The following LAMA1 variants were observed in gnomAD, a reference collection of about 807,000 sequenced individuals.
LAMA1 encodes laminin subunit alpha-1.
LAMA1 carries 219 observed loss-of-function variants against 348.7 expected under a neutral mutation model. The ratio of observed to expected loss-of-function variants is 0.63; its 90% CI spans 0.56 to 0.70. The LOEUF (loss-of-function observed/expected upper bound fraction) is 0.70, where lower values mean the gene tolerates loss of function less well. Among genes scored for constraint, LAMA1 ranks in the 30% least tolerant of loss-of-function variants. The pLI is 0.00. For missense variants in LAMA1, 3,744 were observed against 3,888.0 expected (o/e 0.96, Z 0.99); for synonymous variants, 1,487 against 1,491.0 (o/e 1.00, Z 0.06).
At chr18:7,002,517 C>A in intron 29 of LAMA1, 132 bp from the exon 30 acceptor site, 1 of 960,498 alleles carries the variant, frequency 1.0e-6, no homozygotes, top group Non-Finnish European at 1.7e-6. Flanking sequence ...GAAAGGGGAG[C>A]ATTTTCCTCC....
rs1188640058 is a variant in LAMA1, at chr18:6,997,804, C to T, written c.4744G>A (p.Gly1582Ser). ...ATTCCATATGGGACAGGGATAATGC[C>T]AGTGAGGTTCAGAGAAAGAACGGCA... ...GDAVLSLNLT[G>S]IIPVPYGILS... The change falls in exon 33 of 63, where the codon GGC becomes AGC. Residue 1582 changes from glycine to serine, a missense_variant. Physicochemically the swap from Gly to Ser is moderately conservative, Grantham distance 56 (BLOSUM62 0). This residue lies in a region of LAMA1 where 1,983 missense variants were observed against 1,934.3 expected (regional missense o/e 1.03). Coordinates refer to ENST00000389658, the MANE Select transcript of LAMA1 (RefSeq NM_005559.4). 1 of 1,613,814 alleles carries T rather than the reference C, an allele frequency of 6.2e-7. No individual in the cohort carries two copies. Among genetic ancestry groups the T allele is most frequent in the Non-Finnish European group, 8.5e-7 (1 of 1,179,824 alleles).
At chr18:7,015,118 G>A (rs2057880881) in intron 22 of LAMA1, among the ~76,000 whole-genome samples, 2 of 152,270 alleles carry the variant, frequency 1.3e-5, no homozygotes, top group Admixed American at 6.5e-5. Flanking sequence ...AAAGTGCTGG[G>A]ATGACAGGCG....
At chr18:7,092,183 T>A (rs1267034830) in intron 1 of LAMA1, among the ~76,000 whole-genome samples, 1 of 152,224 alleles carries the variant, frequency 6.6e-6, no homozygotes, top group Non-Finnish European at 1.5e-5. Flanking sequence ...CACCTCTTTA[T>A]AAGCACATAT....
rs780110397 is a variant in LAMA1, at chr18:6,949,110, T to C, written c.8547A>G (p.Lys2849=). ...GGAAAATGCTGCTTACATTTCCAAT[T>C]TTCCTGGCCTGGTACTGGGAGGGCA... ...GGLPSQYQAR[K]IGNITHSIPA... The change falls in exon 59 of 63, where the codon AAA becomes AAG. Residue 2849 remains lysine (K), a synonymous_variant. Coordinates refer to ENST00000389658, the MANE Select transcript of LAMA1 (RefSeq NM_005559.4). 8.1e-6 allele frequency: 13 copies of C among 1,614,164 alleles called. No homozygotes were observed. The highest frequency in any genetic ancestry group is 1.1e-5 in the Non-Finnish European group (13 of 1,180,030).
intron 48 of LAMA1, among the ~76,000 whole-genome samples, chr18:6,969,460 C>T (rs1041798039): frequency 5.3e-5 from 8 of 152,178 alleles, no homozygotes; most frequent in East Asian, 1.9e-4. Flanking sequence ...CCGATGGCCT[C>T]GCAGCCAAGA....
intron 57 of LAMA1, among the ~76,000 whole-genome samples, chr18:6,951,299 G>A (rs1232076258): frequency 6.6e-6 from 1 of 152,204 alleles, no homozygotes; most frequent in Non-Finnish European, 1.5e-5. Flanking sequence ...TTCAACGCGG[G>A]TAACTCTGCA....
chr18:7,017,983 C>T (rs1380770360), intron 19 of LAMA1, among the ~76,000 whole-genome samples: 1 of 152,022 alleles, frequency 6.6e-6, no homozygotes, highest in African/African-American at 2.4e-5. Context: ...TCTTACGGGT[C>T]CAAAATATAT....
At chr18:7,013,086 G>A (rs541277286) in intron 23 of LAMA1, among the ~76,000 whole-genome samples, 15 of 151,996 alleles carry the variant, frequency 9.9e-5, no homozygotes, top group South Asian at 6.2e-4. Flanking sequence ...GCTTGAACCC[G>A]GGAGGCGGAG....
rs868791096 is a variant in LAMA1, at chr18:7,099,165, T to C, written c.61+18495A>G. Among the ~76,000 whole-genome samples the C allele has an allele frequency of 5.4e-3, 811 of 151,476 alleles. 5 individuals are homozygous for C. The highest frequency in any genetic ancestry group is 0.018 in the African/African-American group (745 of 41,304). On this transcript the variant is annotated intron_variant, in intron 1 of 62. Transcript: ENST00000389658. ...TTGGGATCCTGTTGATCTGTGACCTTACCCCCAACCCTGTGCTCTCTGAAA... is the reference window on the plus strand; with the variant it reads ...TTGGGATCCTGTTGATCTGTGACCTCACCCCCAACCCTGTGCTCTCTGAAA...
At chr18:7,115,668 T>TC (rs1308737922) in intron 1 of LAMA1, among the ~76,000 whole-genome samples, 1 of 149,674 alleles carries the variant, frequency 6.7e-6, no homozygotes, top group African/African-American at 2.5e-5. Context: ...AAATCGTTTC[T>TC]TAAAAAAAAA....
At chr18:6,942,704 G>A (rs1398376187) in intron 62 of LAMA1, among the ~76,000 whole-genome samples, 6 of 152,076 alleles carry the variant, frequency 3.9e-5, no homozygotes, top group Non-Finnish European at 5.9e-5. Context: ...GTAAGCCACC[G>A]CACCTGGCCA....
chr18:7,033,223 T>C, intron 14 of LAMA1, 128 bp from the exon 15 acceptor site: 2 of 704,620 alleles, frequency 2.8e-6, no homozygotes, highest in South Asian at 1.5e-5. Context: ...TCCCAGCACT[T>C]TGGGAGGCCA....
chr18:7,080,791 T>G (rs1453617001), intron 1 of LAMA1, among the ~76,000 whole-genome samples: 2 of 152,058 alleles, frequency 1.3e-5, no homozygotes, highest in African/African-American at 4.8e-5. Flanking sequence ...ATAGAATGAG[T>G]ACACCTAAGT....
intron 51 of LAMA1, chr18:6,964,244 G>A: frequency 3.5e-6 from 1 of 282,300 alleles, no homozygotes; most frequent in South Asian, 4.3e-5. Flanking sequence ...AGATGTTACA[G>A]GTTGAACCGT....
At chr18:7,086,257 T>C (rs1051763027) in intron 1 of LAMA1, among the ~76,000 whole-genome samples, 2 of 152,202 alleles carry the variant, frequency 1.3e-5, no homozygotes, top group Non-Finnish European at 2.9e-5. Context: ...ACATTAAAAC[T>C]GCAGCAATAT....
At chr18:6,981,103 A>T (rs1286281305) in intron 41 of LAMA1, among the ~76,000 whole-genome samples, 1 of 134,848 alleles carries the variant, frequency 7.4e-6, no homozygotes, top group Non-Finnish European at 1.6e-5. Context: ...ACTCCGTCTC[A>T]AAAAAAAAAA....
At chr18:7,045,401 C>T (rs1265889329) in intron 6 of LAMA1, among the ~76,000 whole-genome samples, 1 of 152,048 alleles carries the variant, frequency 6.6e-6, no homozygotes, top group Non-Finnish European at 1.5e-5. Flanking sequence ...ACCCAGGATG[C>T]GGAGGTTGCA....
Position 6,982,578 on chromosome 18 carries a change from G to T in LAMA1, c.5809C>A (p.Leu1937Ile). 6.2e-7 allele frequency: 1 copy of T among 1,614,142 alleles called. No individual in the cohort carries two copies. The highest frequency in any genetic ancestry group is 2.2e-5 in the East Asian group (1 of 44,858). ...VTETSLLSES[L>I]VSNGKAAVQR... is the part of the protein sequence containing the mutation. ...ACGGCCGCTTTCCCGTTAGAAACAAGGGATTCTGAGAGCTGGAAAACAGAA... is the reference window on the plus strand; with the variant it reads ...ACGGCCGCTTTCCCGTTAGAAACAATGGATTCTGAGAGCTGGAAAACAGAA... The change falls in exon 41 of 63, where the codon CTT becomes ATT. Residue 1937 changes from leucine (L) to isoleucine (I), a missense_variant. Physicochemically the swap from Leu to Ile is conservative, Grantham distance 5 (BLOSUM62 2). Transcript: ENST00000389658.
rs16950883 is a variant in LAMA1 at position 6,959,329 on chromosome 18, G to A, written c.7778+12C>T. 3.5e-3 allele frequency: 5,707 copies of A among 1,613,902 alleles called. 164 individuals carry two copies. In the African/African-American group the frequency reaches 0.066, roughly 19 times the overall value. ...CACCTTCATTACACACTGCCTGGCC[G>A]CGTGCAAGTACCTCCGATTCCTGAC... On this transcript the variant is annotated intron_variant, in intron 54 of 62. Transcript: ENST00000389658.
Sources: gnomAD v4.1 joint callset for allele counts (sites outside exome capture counted in the v4.1 genomes callset) on GRCh38, gnomAD v4.1.1 for gene constraint, gnomAD v4.1.1 regional missense constraint, MANE v1.5 for transcripts, NCBI Gene and HGNC (gene_info 2026-07-23, HGNC 2026-07-21) for gene names.